Variants in CNOT10 observed in about 807,000 individuals in gnomAD.
The protein encoded by CNOT10 is CCR4-NOT transcription complex, subunit 10.
Under a neutral mutation model 94.6 loss-of-function variants are expected in CNOT10, and 30 were observed. That is an observed-to-expected ratio of 0.32 (90% CI 0.24 to 0.43). CNOT10 has a LOEUF of 0.43. Among genes scored for constraint, CNOT10 ranks in the 20% least tolerant of loss-of-function variants. The pLI, the probability that CNOT10 is intolerant of heterozygous loss-of-function variation, is 1.00. For missense variants in CNOT10, 759 were observed against 877.2 expected (o/e 0.87, Z 1.70); for synonymous variants, 289 against 301.6 (o/e 0.96, Z 0.43).
chr3:32,762,278 T>C (rs1700485680), intron 14 of CNOT10, among the ~76,000 whole-genome samples: 1 of 151,596 alleles, frequency 6.6e-6, no homozygotes, highest in African/African-American at 2.4e-5. Context: ...TTTTTATTTT[T>C]ATTTTTTTTG....
chr3:32,703,661 G>C (rs1047799713), intron 1 of CNOT10: 2 of 484,072 alleles, frequency 4.1e-6, no homozygotes, highest in Non-Finnish European at 7.4e-6. Context: ...GGGACAGAGC[G>C]GGACACTGCA....
chr3:32,711,269 A>T (rs977000909), intron 4 of CNOT10, among the ~76,000 whole-genome samples: 1 of 152,150 alleles, frequency 6.6e-6, no homozygotes, highest in African/African-American at 2.4e-5. Flanking sequence ...AATCCCTTAT[A>T]TAAAATGGTG....
intron 13 of CNOT10, among the ~76,000 whole-genome samples, chr3:32,748,464 A>G (rs1376884858): frequency 1.3e-5 from 2 of 152,152 alleles, no homozygotes; most frequent in Non-Finnish European, 2.9e-5. Context: ...TTTTGAAATA[A>G]CAATGATTGA....
intron 1 of CNOT10, among the ~76,000 whole-genome samples, chr3:32,690,284 C>T (rs761487134): frequency 5.3e-5 from 8 of 152,142 alleles, no homozygotes; most frequent in Non-Finnish European, 1.0e-4. Context: ...TTTTAAGCTT[C>T]AGCTTTCCTG....
intron 15 of CNOT10, chr3:32,764,031 G>A (rs955906057): frequency 1.2e-5 from 2 of 160,564 alleles, no homozygotes; most frequent in African/African-American, 4.8e-5. Flanking sequence ...TCAGGAGGCT[G>A]AGGCCAGAGA....
intron 12 of CNOT10, among the ~76,000 whole-genome samples, chr3:32,737,176 G>T (rs767417004): frequency 2.6e-5 from 4 of 152,106 alleles, no homozygotes; most frequent in African/African-American, 9.7e-5. Flanking sequence ...TTAGCTGGGC[G>T]TGGTGGTGTG....
chr3:32,739,445 A>G (rs570994986), intron 13 of CNOT10, among the ~76,000 whole-genome samples: 1 of 152,140 alleles, frequency 6.6e-6, no homozygotes, highest in East Asian at 1.9e-4. Context: ...TTTTCTACAC[A>G]GTTCCCTTTA....
At chr3:32,764,108 C>G (rs1195629492) in intron 15 of CNOT10, 1 of 206,050 alleles carries the variant, frequency 4.9e-6, no homozygotes, top group Non-Finnish European at 9.5e-6. Flanking sequence ...TGGGCGGCAA[C>G]AAGAGCAAAA....
chr3:32,759,370 G>T, intron 13 of CNOT10, 88 bp from the exon 14 acceptor site: 5 of 901,942 alleles, frequency 5.5e-6, no homozygotes, highest in Non-Finnish European at 7.1e-6. Context: ...GATTGTCACA[G>T]CTAAAGGGCA....
intron 1 of CNOT10, among the ~76,000 whole-genome samples, chr3:32,698,978 G>A (rs1697207974): frequency 6.6e-6 from 1 of 152,066 alleles, no homozygotes; most frequent in Admixed American, 6.6e-5. Context: ...TAGAGACGGG[G>A]TTTCACCATG....
chr3:32,685,984 C>T (rs1280841530), intron 1 of CNOT10, among the ~76,000 whole-genome samples: 4 of 152,058 alleles, frequency 2.6e-5, no homozygotes, highest in Non-Finnish European at 5.9e-5. Flanking sequence ...CGCTATGGTG[C>T]CCAGGCTGAT....
chr3:32,770,150 G>A (rs989525484), intron 18 of CNOT10, among the ~76,000 whole-genome samples, 188 bp downstream of exon 18: 1 of 151,526 alleles, frequency 6.6e-6, no homozygotes, highest in African/African-American at 2.4e-5. Context: ...GGGACTACAG[G>A]TGCACGCCAC....
chr3:32,728,230 A>G (rs558064574), intron 10 of CNOT10, among the ~76,000 whole-genome samples: 1 of 152,140 alleles, frequency 6.6e-6, no homozygotes, highest in African/African-American at 2.4e-5. Flanking sequence ...TCCCGACCTT[A>G]TGTGATCTAG....
chr3:32,734,735 A>G (rs903506333), intron 11 of CNOT10, 65 bp from the exon 12 acceptor site: 2 of 1,286,262 alleles, frequency 1.6e-6, no homozygotes, highest in Non-Finnish European at 2.1e-6. Flanking sequence ...TTTATTCCTC[A>G]TAATAAAAGA....
intron 8 of CNOT10, among the ~76,000 whole-genome samples, chr3:32,723,267 C>T (rs2125555890): frequency 6.6e-6 from 1 of 151,936 alleles, no homozygotes; most frequent in East Asian, 1.9e-4. Flanking sequence ...GTGGCGGGCG[C>T]CTGTAGTCCC....
chr3:32,688,101 G>A (rs1311265037), intron 1 of CNOT10, among the ~76,000 whole-genome samples: 1 of 152,256 alleles, frequency 6.6e-6, no homozygotes, highest in East Asian at 1.9e-4. Flanking sequence ...AGTAAGACAG[G>A]AAGCCTAGAG....
chr3:32,741,257 C>G (rs1699447914), intron 13 of CNOT10, among the ~76,000 whole-genome samples: 1 of 151,780 alleles, frequency 6.6e-6, no homozygotes, highest in Admixed American at 6.6e-5. Flanking sequence ...AATTGTTGTT[C>G]CTTTTTATTG....
intron 17 of CNOT10, 68 bp from the exon 18 acceptor site, chr3:32,769,819 C>A: frequency 8.2e-7 from 1 of 1,214,000 alleles, no homozygotes; most frequent in South Asian, 1.2e-5. Flanking sequence ...TGTTGGTTGG[C>A]AGATGTACTT....
intron 7 of CNOT10, among the ~76,000 whole-genome samples, 167 bp downstream of exon 7, chr3:32,717,404 T>C (rs75168073): frequency 7.8e-6 from 1 of 128,946 alleles, no homozygotes; most frequent in African/African-American, 3.0e-5. Context: ...TATAGTTTAA[T>C]TTTTTTTTTT....
Sources: allele counts gnomAD v4.1 joint callset (sites outside exome capture counted in the v4.1 genomes callset), GRCh38; gene constraint gnomAD v4.1.1; transcripts MANE v1.5; gene names NCBI Gene and HGNC (gene_info 2026-07-23, HGNC 2026-07-21).